Variants in NR2C2 observed in about 807,000 individuals in gnomAD.
NR2C2 encodes Nuclear hormone receptor TR4.
Under a neutral mutation model 62.9 loss-of-function variants are expected in NR2C2, and 6 were observed. The observed-to-expected ratio is 0.10, with a 90% CI of 0.05 to 0.19. NR2C2 has a LOEUF of 0.19. NR2C2 is among the 10% of genes least tolerant of loss of function. The probability of loss-of-function intolerance (pLI) is 1.00; values close to 1 mark genes in which losing one functional copy is unlikely to be tolerated. For missense variants in NR2C2, 479 were observed against 762.7 expected (o/e 0.63, Z 4.38); for synonymous variants, 272 against 273.8 (o/e 0.99, Z 0.07).
At position 15,024,146 on chromosome 3, in the gene NR2C2, G is replaced by A. The variant is rs768409674; in HGVS notation, c.736G>A (p.Val246Met). ...AGGTCTTCTTGATCCAGGGATGCTTGTGAACATCCAGCAGCCTTTGATACG... is the reference window on the plus strand; with the variant it reads ...AGGTCTTCTTGATCCAGGGATGCTTATGAACATCCAGCAGCCTTTGATACG... ...QTGLLDPGMLVNIQQPLIRED... is the reference protein window; with the variant it reads ...QTGLLDPGMLMNIQQPLIRED... Residue 246 changes from valine (V) to methionine (M), a missense_variant, in exon 7 of 14, where the codon GTG becomes ATG. Transcript: ENST00000425241. 1 of 1,612,750 alleles carries A rather than the reference G, an allele frequency of 6.2e-7. No homozygotes were observed. The highest frequency in any genetic ancestry group is 1.3e-5 in the African/African-American group (1 of 74,836).
chr3:15,010,679 T>TC (rs1243156494), intron 2 of NR2C2, among the ~76,000 whole-genome samples: 1 of 149,520 alleles, frequency 6.7e-6, no homozygotes, highest in Admixed American at 6.7e-5. Context: ...GCTACTGCAC[T>TC]CCAATGTGGG....
intron 3 of NR2C2, among the ~76,000 whole-genome samples, chr3:15,014,549 G>C (rs2041450704): frequency 6.6e-6 from 1 of 151,962 alleles, no homozygotes; most frequent in Non-Finnish European, 1.5e-5. Context: ...ACAGTTTAGT[G>C]GCATTAAGTA....
rs781018567 is a variant in NR2C2, at chr3:15,030,386, A to G, written c.1044A>G (p.Arg348=). The G allele has an allele frequency of 1.3e-5, 21 of 1,612,984 alleles. No individual in the cohort carries two copies. The Admixed American group carries it at 3.4e-4, about 26-fold the overall frequency. The stretch of plus-strand genomic sequence containing the variant: ...GAGGGAGCATCCACGTCATCAGCAG[A>G]GACCAGTCGACACCCATCATTGAGG... ...SGGGSIHVIS[R]DQSTPIIEVE... Residue 348 remains arginine (R), a synonymous_variant, in exon 9 of 14, where the codon AGA becomes AGG. Transcript: ENST00000425241.
chr3:15,042,633 A>G, intron 13 of NR2C2: 1 of 549,952 alleles, frequency 1.8e-6, no homozygotes, highest in Non-Finnish European at 3.2e-6. Flanking sequence ...ACATCTGTAC[A>G]TACATTTTGT....
intron 1 of NR2C2, among the ~76,000 whole-genome samples, chr3:14,978,538 G>T (rs1043266248): frequency 6.6e-6 from 1 of 152,124 alleles, no homozygotes; most frequent in African/African-American, 2.4e-5. Flanking sequence ...AGGACTGTTC[G>T]TCCATAGGTT....
intron 8 of NR2C2, among the ~76,000 whole-genome samples, chr3:15,029,078 C>T (rs2041898421): frequency 6.6e-6 from 1 of 150,882 alleles, no homozygotes; most frequent in Admixed American, 6.6e-5. Flanking sequence ...TCTATTTTAA[C>T]CTATTTTTCT....
chr3:14,949,330 A>G (rs1396960489), intron 1 of NR2C2, among the ~76,000 whole-genome samples: 1 of 152,192 alleles, frequency 6.6e-6, no homozygotes, highest in East Asian at 1.9e-4. Context: ...GAACAGAGGA[A>G]CCCAAGGGAG....
rs2042548135 is a variant in NR2C2 at position 15,048,851 on chromosome 3, G to GC, written c.*5846dup. On this transcript the variant is annotated 3_prime_UTR_variant, in exon 14 of 14. Transcript: ENST00000425241. Reference sequence around the variant, plus strand: ...CTGTTAGAATGTAACTGCATTACCAGCCCTTTTAAAGGCATCTATCTATCA... The same window carrying GC: ...CTGTTAGAATGTAACTGCATTACCAGCCCCTTTTAAAGGCATCTATCTATCA... 1 of 152,578 alleles carries GC rather than the reference G, an allele frequency of 6.6e-6. No homozygotes were observed. Among genetic ancestry groups the GC allele is most frequent in the South Asian group, 2.1e-4 (1 of 4,834 alleles). 9.5% of individuals were successfully genotyped at this position (152,578 alleles called of 1,614,324 possible).
At chr3:14,953,910 A>AAAAAAAAC (rs1299062058) in intron 1 of NR2C2, among the ~76,000 whole-genome samples, 1 of 151,790 alleles carries the variant, frequency 6.6e-6, no homozygotes, top group African/African-American at 2.4e-5. Context: ...AAAAAAAAAA[A>AAAAAAAAC]ACAACTGAGG....
chr3:15,049,262 A>C lies in NR2C2; in HGVS notation c.*6254A>C, dbSNP rs1476485513. 1 of 152,754 alleles carries C rather than the reference A, an allele frequency of 6.5e-6. No individual in the cohort carries two copies. The highest frequency in any genetic ancestry group is 1.5e-5 in the Non-Finnish European group (1 of 68,122). 9.5% of individuals were successfully genotyped at this position (152,754 alleles called of 1,614,324 possible). A position where few individuals can be genotyped will look rare whatever the true frequency, so the allele number is the denominator to read the frequency against. ...ATGAGGTTTATACTATTAAAAGTGA[A>C]TTAAAGACTAACATGCATCCTGCTC... On this transcript the variant is annotated 3_prime_UTR_variant, in exon 14 of 14. Coordinates refer to ENST00000425241, the MANE Select transcript of NR2C2 (RefSeq NM_001291694.2).
In NR2C2 at chr3:15,042,706, A is replaced by AGGTG. The variant is rs559347033; in HGVS notation, c.1617-122_1617-119dup. 608 of 735,056 alleles carry AGGTG rather than the reference A, an allele frequency of 8.3e-4. 5 individuals are homozygous for AGGTG. In the East Asian group the frequency reaches 0.014, roughly 17 times the overall value. The allele number at this position is 735,056 out of a possible 1,614,324, so 45.5% of individuals were successfully genotyped here. A position where few individuals can be genotyped will look rare whatever the true frequency, so the allele number is the denominator to read the frequency against. On this transcript the variant is annotated intron_variant, in intron 13 of 13. Coordinates refer to ENST00000425241, the MANE Select transcript of NR2C2 (RefSeq NM_001291694.2). ...AGGAACTGTTGAAATCAGAAAAGAG[A>AGGTG]GGTGGGTGGATGGTGGATCCGTTTG... is the stretch of plus-strand genomic sequence containing the variant.
intron 1 of NR2C2, among the ~76,000 whole-genome samples, chr3:14,997,686 T>G (rs2124889282): frequency 6.6e-6 from 1 of 152,340 alleles, no homozygotes; most frequent in Middle Eastern, 3.4e-3. Flanking sequence ...CTGGATTCTG[T>G]TGACTTCATT....
At chr3:15,037,880 A>G in intron 11 of NR2C2, 120 bp from the exon 12 acceptor site, 11 of 1,081,632 alleles carry the variant, frequency 1.0e-5, no homozygotes, top group East Asian at 2.5e-5. Context: ...TCACCTTGAG[A>G]TTACTGATTT....
intron 12 of NR2C2, 25 bp from the exon 13 acceptor site, chr3:15,039,097 G>GC (rs1553575034): frequency 2.6e-6 from 4 of 1,538,416 alleles, no homozygotes; most frequent in East Asian, 4.5e-5. Context: ...GAGGGAACTG[G>GC]GGGGGGGTAC....
At chr3:14,948,946 C>T (rs2039248997) in intron 1 of NR2C2, among the ~76,000 whole-genome samples, 1 of 152,130 alleles carries the variant, frequency 6.6e-6, no homozygotes, top group African/African-American at 2.4e-5. Flanking sequence ...AAAATGGAGG[C>T]AACGCTACTT....
At chr3:15,041,977 T>C (rs894294503) in intron 13 of NR2C2, among the ~76,000 whole-genome samples, 3 of 152,386 alleles carry the variant, frequency 2.0e-5, no homozygotes, top group East Asian at 1.9e-4. Context: ...TTTTGTAACC[T>C]TTTTTCATGT....
At chr3:14,974,337 T>A (rs370960142) in intron 1 of NR2C2, among the ~76,000 whole-genome samples, 7 of 152,308 alleles carry the variant, frequency 4.6e-5, no homozygotes, top group African/African-American at 1.7e-4. Flanking sequence ...ATATCTAACT[T>A]TGTTCTTTTT....
At chr3:14,996,875 C>G (rs1487152546) in intron 1 of NR2C2, among the ~76,000 whole-genome samples, 2 of 152,160 alleles carry the variant, frequency 1.3e-5, no homozygotes, top group Non-Finnish European at 2.9e-5. Context: ...GGGTTAATGA[C>G]TTGTTTAAGG....
At chr3:15,019,792 A>G (rs961206256) in intron 4 of NR2C2, among the ~76,000 whole-genome samples, 5 of 152,200 alleles carry the variant, frequency 3.3e-5, no homozygotes, top group Admixed American at 3.3e-4. Flanking sequence ...AGACTGACCA[A>G]CTGGTACAAA....
Sources: allele counts gnomAD v4.1 joint callset (sites outside exome capture counted in the v4.1 genomes callset), GRCh38; gene constraint gnomAD v4.1.1; transcripts MANE v1.5; gene names NCBI Gene and HGNC (gene_info 2026-07-23, HGNC 2026-07-21).